TAOK3: variants seen among roughly 807,000 people sequenced by gnomAD.
TAOK3 encodes serine/threonine-protein kinase TAO3.
Under a neutral mutation model 120.4 loss-of-function variants are expected in TAOK3, and 40 were observed. That is an observed-to-expected ratio of 0.33 (90% CI 0.26 to 0.43). The LOEUF (loss-of-function observed/expected upper bound fraction) is 0.43, where lower values mean the gene tolerates loss of function less well. TAOK3 is among the 20% of genes least tolerant of loss of function. The pLI, the probability that TAOK3 is intolerant of heterozygous loss-of-function variation, is 1.00. For synonymous variants in TAOK3, 355 were observed against 387.5 expected (o/e 0.92, Z 0.99); for missense variants, 821 against 1,112.1 (o/e 0.74, Z 3.72).
At chr12:118,353,654 C>T (rs527833929) in intron 1 of TAOK3, among the ~76,000 whole-genome samples, 16 of 152,108 alleles carry the variant, frequency 1.1e-4, no homozygotes, top group South Asian at 2.1e-4. Flanking sequence ...AGTCCAGGAA[C>T]GAGGCAACAA....
chr12:118,335,762 G>A (rs2044343761), intron 1 of TAOK3, among the ~76,000 whole-genome samples: 2 of 152,180 alleles, frequency 1.3e-5, no homozygotes, highest in South Asian at 4.1e-4. Flanking sequence ...CCAGGAGGCA[G>A]AGGCTGCAGT....
At chr12:118,365,277 G>A (rs551218060) in intron 1 of TAOK3, among the ~76,000 whole-genome samples, 14 of 152,102 alleles carry the variant, frequency 9.2e-5, no homozygotes, top group Admixed American at 5.2e-4. Flanking sequence ...TCTATCAGCC[G>A]GGCTGGAATG....
chr12:118,210,740 CTTTT>C (rs972130210), intron 11 of TAOK3, among the ~76,000 whole-genome samples: 2 of 139,074 alleles, frequency 1.4e-5, no homozygotes, highest in African/African-American at 2.7e-5. Context: ...TTTCTTTTTT[CTTTT>C]TTTTTTTTTT....
intron 1 of TAOK3, among the ~76,000 whole-genome samples, chr12:118,297,613 A>C (rs11068901): frequency 0.028 from 4,282 of 152,176 alleles, 273 homozygotes; most frequent in East Asian, 0.25. Flanking sequence ...TATGTTCCTT[A>C]TATGTTTATT....
chr12:118,216,348 G>A (rs1465741572), intron 9 of TAOK3, among the ~76,000 whole-genome samples: 1 of 152,070 alleles, frequency 6.6e-6, no homozygotes. Flanking sequence ...TCTCTTTATT[G>A]GAACTCCTCC....
chr12:118,234,645 C>A (rs752507389), intron 8 of TAOK3, among the ~76,000 whole-genome samples: 1 of 152,098 alleles, frequency 6.6e-6, no homozygotes, highest in Admixed American at 6.6e-5. Context: ...TGGGTTCAAG[C>A]GATTCTCATG....
intron 1 of TAOK3, among the ~76,000 whole-genome samples, chr12:118,313,329 T>G (rs2043330605): frequency 6.6e-6 from 1 of 152,076 alleles, no homozygotes; most frequent in Non-Finnish European, 1.5e-5. Context: ...CAGGCTGGAG[T>G]GCAATGGCAT....
intron 8 of TAOK3, among the ~76,000 whole-genome samples, chr12:118,234,851 T>C (rs750614717): frequency 9.9e-5 from 15 of 152,240 alleles, no homozygotes; most frequent in Non-Finnish European, 2.1e-4. Context: ...TTGTCCATAA[T>C]GCATCTTCAT....
At chr12:118,271,760 T>A (rs1005111864) in intron 1 of TAOK3, among the ~76,000 whole-genome samples, 5 of 152,230 alleles carry the variant, frequency 3.3e-5, no homozygotes, top group Admixed American at 2.0e-4. Flanking sequence ...GAAATCACCT[T>A]CCCTGTTCCA....
At position 118,152,297 on chromosome 12, in the gene TAOK3, G is replaced by A; in HGVS notation, c.2465C>T (p.Ala822Val). 1 of 1,614,176 alleles carries A rather than the reference G, an allele frequency of 6.2e-7. No homozygotes were observed. Among genetic ancestry groups the A allele is most frequent in the Non-Finnish European group, 8.5e-7 (1 of 1,180,030 alleles). ...YQSKIKMQTE[A>V]QHERELQKLE... ...CTTCTGGAGCTCACGTTCATGTTGT[G>A]CCTCTGTTTGCATCTTGATTTTGCT... Residue 822 changes from alanine to valine, a missense_variant, in exon 20 of 21, where the codon GCA (alanine) becomes GTA (valine). Physicochemically the swap from Ala to Val is moderately conservative, Grantham distance 64. Coordinates refer to ENST00000392533, the MANE Select transcript of TAOK3 (RefSeq NM_016281.4).
At chr12:118,368,480 G>A (rs1053224841) in intron 1 of TAOK3, among the ~76,000 whole-genome samples, 2 of 148,026 alleles carry the variant, frequency 1.4e-5, no homozygotes, top group Non-Finnish European at 3.0e-5. Flanking sequence ...TTACAGGCGT[G>A]AGCCACCGCG....
chr12:118,265,633 T>G (rs939568119), intron 2 of TAOK3, among the ~76,000 whole-genome samples: 30 of 152,262 alleles, frequency 2.0e-4, no homozygotes, highest in African/African-American at 6.7e-4. Context: ...ATACTTTTTT[T>G]GGGGTAAGGG....
intron 1 of TAOK3, among the ~76,000 whole-genome samples, chr12:118,267,947 A>C (rs2041529597): frequency 6.6e-6 from 1 of 152,000 alleles, no homozygotes; most frequent in Non-Finnish European, 1.5e-5. Flanking sequence ...AACTCCATTA[A>C]CAATCTGGCA....
In TAOK3 at chr12:118,153,580, C is replaced by CCAT. The variant is rs2034602954; in HGVS notation, c.2353-1174_2353-1172dup. 3.3e-5 allele frequency among the ~76,000 whole-genome samples: 5 copies of CCAT among 152,268 alleles called. No individual in the cohort carries two copies. In the South Asian group the frequency reaches 1.0e-3, roughly 32 times the overall value. The stretch of plus-strand genomic sequence containing the variant: ...TCAAAGCAGAGTAGAAGGTTTCGGA[C>CCAT]CATCAGCAGGACAGTGTTTAGGAAT... On this transcript the variant is annotated intron_variant, in intron 19 of 20. Coordinates refer to ENST00000392533, the MANE Select transcript of TAOK3 (RefSeq NM_016281.4).
intron 1 of TAOK3, among the ~76,000 whole-genome samples, chr12:118,362,754 A>C (rs2045636480): frequency 1.3e-5 from 2 of 152,154 alleles, no homozygotes; most frequent in Admixed American, 6.5e-5. Context: ...GCAGCGGCTC[A>C]CATCTGTAAT....
intron 14 of TAOK3, among the ~76,000 whole-genome samples, chr12:118,182,954 A>G (rs772167021): frequency 3.9e-5 from 6 of 151,954 alleles, no homozygotes; most frequent in Non-Finnish European, 8.8e-5. Context: ...TTTCTATTAA[A>G]TCTTTTGTGA....
intron 1 of TAOK3, among the ~76,000 whole-genome samples, chr12:118,321,833 G>A (rs998025520): frequency 1.3e-5 from 2 of 149,014 alleles, no homozygotes; most frequent in African/African-American, 4.9e-5. Context: ...ATTTTTGCAA[G>A]TTTTTTTTTT....
chr12:118,280,914 T>G (rs1332437957), intron 1 of TAOK3, among the ~76,000 whole-genome samples: 1 of 152,210 alleles, frequency 6.6e-6, no homozygotes, highest in Non-Finnish European at 1.5e-5. Context: ...ATCTTTCACC[T>G]CCCTGGTTAG....
intron 1 of TAOK3, among the ~76,000 whole-genome samples, chr12:118,274,151 T>C (rs2041825650): frequency 6.6e-6 from 1 of 152,000 alleles, no homozygotes; most frequent in Non-Finnish European, 1.5e-5. Context: ...AAAAAAAAAC[T>C]AGCAAATTTT....
Sources: gnomAD v4.1 joint callset for allele counts (sites outside exome capture counted in the v4.1 genomes callset) on GRCh38, gnomAD v4.1.1 for gene constraint, MANE v1.5 for transcripts, NCBI Gene and HGNC (gene_info 2026-07-23, HGNC 2026-07-21) for gene names.